Variants in CCPG1 observed in about 807,000 individuals in gnomAD.
CCPG1 encodes the protein cell cycle progression 1, also known as cell cycle progression protein 1.
Under a neutral mutation model 81.3 loss-of-function variants are expected in CCPG1, and 46 were observed. That is an observed-to-expected ratio of 0.57 (90% confidence interval 0.45 to 0.72). The LOEUF (loss-of-function observed/expected upper bound fraction) is 0.72, where lower values mean the gene tolerates loss of function less well. CCPG1 is among the 30% of genes least tolerant of loss of function. CCPG1 has a pLI of 0.00. For missense variants in CCPG1, 902 were observed against 937.6 expected (o/e 0.96, Z 0.50); for synonymous variants, 330 against 305.2 (o/e 1.08, Z -0.85).
At chr15:55,401,443 A>C (rs1251013146) in intron 1 of CCPG1, among the ~76,000 whole-genome samples, 1 of 152,088 alleles carries the variant, frequency 6.6e-6, no homozygotes, top group Non-Finnish European at 1.5e-5. Context: ...GAGGCGGGTG[A>C]ATCACCTGAG....
At chr15:55,378,811 G>A (rs921260540) in intron 3 of CCPG1, among the ~76,000 whole-genome samples, 6 of 151,994 alleles carry the variant, frequency 3.9e-5, no homozygotes, top group African/African-American at 1.5e-4. Flanking sequence ...TGCCCAGGCT[G>A]GTCTCGAACT....
chr15:55,357,570 C>G (rs749186905), intron 8 of CCPG1: 1 of 368,690 alleles, frequency 2.7e-6, no homozygotes, highest in Non-Finnish European at 3.8e-6. Context: ...CAGTTTTAGG[C>G]GGGGTACAGT....
chr15:55,388,542 A>T (rs987009541), intron 2 of CCPG1, among the ~76,000 whole-genome samples: 32 of 152,182 alleles, frequency 2.1e-4, no homozygotes, highest in African/African-American at 7.0e-4. Context: ...TAACCTCTCT[A>T]AGCTTTAGTT....
intron 2 of CCPG1, among the ~76,000 whole-genome samples, chr15:55,388,100 G>A (rs1052231608): frequency 1.9e-4 from 29 of 151,988 alleles, no homozygotes; most frequent in Non-Finnish European, 3.2e-4. Flanking sequence ...GCTGTGAGCC[G>A]AGATTGCGTC....
chr15:55,389,848 G>A (rs773181452), intron 1 of CCPG1, among the ~76,000 whole-genome samples: 7 of 152,226 alleles, frequency 4.6e-5, no homozygotes, highest in Non-Finnish European at 1.0e-4. Context: ...CAGGGAAACT[G>A]AAAAGCTCCT....
chr15:55,404,747 A>C (rs539216442), intron 1 of CCPG1, among the ~76,000 whole-genome samples: 9 of 152,162 alleles, frequency 5.9e-5, no homozygotes, highest in Admixed American at 5.9e-4. Context: ...CCAGCCTGGG[A>C]AACATAGCGA....
intron 8 of CCPG1, chr15:55,356,924 C>T: frequency 1.0e-6 from 1 of 985,560 alleles, no homozygotes. Context: ...AGTTTCCAAG[C>T]CAAGAAAACA....
intron 5 of CCPG1, chr15:55,372,768 C>A: frequency 6.8e-6 from 2 of 292,974 alleles, no homozygotes; most frequent in South Asian, 6.5e-5. Context: ...AATTTAAGTG[C>A]AACTATTTAA....
At chr15:55,375,486 A>T (rs2141278156) in intron 5 of CCPG1, among the ~76,000 whole-genome samples, 1 of 150,884 alleles carries the variant, frequency 6.6e-6, no homozygotes, top group South Asian at 2.1e-4. Flanking sequence ...GGATTCTAAA[A>T]TCAATTACAA....
chr15:55,374,857 T>A (rs1290074733), intron 5 of CCPG1, among the ~76,000 whole-genome samples: 1 of 151,696 alleles, frequency 6.6e-6, no homozygotes, highest in African/African-American at 2.4e-5. Flanking sequence ...TAGAGAAGGG[T>A]TTTTGCCGTG....
chr15:55,408,002 C>G (rs1337937847), intron 1 of CCPG1: 2 of 152,330 alleles, frequency 1.3e-5, no homozygotes. Flanking sequence ...ACCGGACGCC[C>G]CAGGGTCGGC....
Position 55,355,492 on chromosome 15 carries a change from C to A in CCPG1, c.*728G>T. ...ATATTCAGATGCTGCTTAAATACTTCGGTAAACACTGGGTAAGATTCATGG... is the reference window on the plus strand; with the variant it reads ...ATATTCAGATGCTGCTTAAATACTTAGGTAAACACTGGGTAAGATTCATGG... On this transcript the variant is annotated 3_prime_UTR_variant, in exon 9 of 9. Transcript: ENST00000442196. 1 of 1,352,142 alleles carries A rather than the reference C, an allele frequency of 7.4e-7. No individual in the cohort carries two copies. Among genetic ancestry groups the A allele is most frequent in the African/African-American group, 1.5e-5 (1 of 68,554 alleles). 83.8% of individuals were successfully genotyped at this position (1,352,142 alleles called of 1,614,324 possible).
intron 1 of CCPG1, among the ~76,000 whole-genome samples, chr15:55,402,918 A>G (rs2057153360): frequency 6.6e-6 from 1 of 152,240 alleles, no homozygotes; most frequent in African/African-American, 2.4e-5. Context: ...GTTTCAGGAC[A>G]TTTGATGCAA....
intron 8 of CCPG1, chr15:55,359,284 T>A: frequency 8.6e-7 from 1 of 1,163,638 alleles, no homozygotes; most frequent in East Asian, 4.0e-5. Context: ...TTTTATATAT[T>A]CTTAACTGAT....
intron 3 of CCPG1, among the ~76,000 whole-genome samples, chr15:55,382,005 C>G (rs1283174041): frequency 3.9e-5 from 6 of 152,180 alleles, no homozygotes; most frequent in African/African-American, 1.4e-4. Flanking sequence ...AAAAACTGTA[C>G]ATATCTTAAT....
chr15:55,376,586 A>G (rs77866803), intron 5 of CCPG1, among the ~76,000 whole-genome samples: 7,283 of 152,294 alleles, frequency 0.048, 238 homozygotes, highest in African/African-American at 0.089. Context: ...CACTATTTCT[A>G]TATTACAAAA....
intron 6 of CCPG1, among the ~76,000 whole-genome samples, chr15:55,366,966 A>T (rs2056343488): frequency 1.3e-5 from 2 of 152,204 alleles, no homozygotes; most frequent in South Asian, 4.1e-4. Flanking sequence ...AATTTTACAA[A>T]GAAAGGATGC....
chr15:55,399,250 A>C (rs1408658492), intron 1 of CCPG1, among the ~76,000 whole-genome samples: 1 of 152,036 alleles, frequency 6.6e-6, no homozygotes, highest in Non-Finnish European at 1.5e-5. Context: ...AGAATGAATG[A>C]GTAGTTTTCC....
At chr15:55,404,890 T>C (rs991683212) in intron 1 of CCPG1, among the ~76,000 whole-genome samples, 5 of 152,112 alleles carry the variant, frequency 3.3e-5, no homozygotes, top group African/African-American at 1.2e-4. Context: ...GCCATTATGG[T>C]GAAACCCCAT....
Sources: allele counts gnomAD v4.1 joint callset (sites outside exome capture counted in the v4.1 genomes callset), GRCh38; gene constraint gnomAD v4.1.1; transcripts MANE v1.5; gene names NCBI Gene and HGNC (gene_info 2026-07-23, HGNC 2026-07-21).